Variants in SMOC2 observed in about 807,000 individuals in gnomAD.
The protein encoded by SMOC2 is SPARC-related modular calcium-binding protein 2.
Under a neutral mutation model 61.4 loss-of-function variants are expected in SMOC2, and 39 were observed. The observed-to-expected ratio is 0.64, with a 90% CI of 0.49 to 0.83. The LOEUF is 0.83. SMOC2 is among the 40% of genes least tolerant of loss of function. SMOC2 has a pLI of 0.00. For missense variants in SMOC2, 556 were observed against 592.9 expected (o/e 0.94, Z 0.65); for synonymous variants, 247 against 239.9 (o/e 1.03, Z -0.27).
At chr6:168,523,611 G>A (rs1783385446) in intron 2 of SMOC2, among the ~76,000 whole-genome samples, 2 of 151,418 alleles carry the variant, frequency 1.3e-5, no homozygotes, top group African/African-American at 4.9e-5. Flanking sequence ...ATGTTAGCCA[G>A]GATGGTCTTC....
At chr6:168,634,120 G>T (rs1234337702) in intron 9 of SMOC2, among the ~76,000 whole-genome samples, 2 of 152,170 alleles carry the variant, frequency 1.3e-5, no homozygotes, top group African/African-American at 4.8e-5. Context: ...TTTATAAATT[G>T]CCCAGTCTTG....
chr6:168,560,563 T>C (rs1427583587), intron 7 of SMOC2, among the ~76,000 whole-genome samples: 1 of 139,252 alleles, frequency 7.2e-6, no homozygotes, highest in Non-Finnish European at 1.6e-5. Flanking sequence ...GACACGAGGC[T>C]CTCACTGCAT....
At position 168,475,331 on chromosome 6, in the gene SMOC2, A is replaced by C. The variant is rs1782054222; in HGVS notation, c.84+33877A>C. 6.6e-6 allele frequency among the ~76,000 whole-genome samples: 1 copy of C among 152,132 alleles called. No homozygotes were observed. The highest frequency in any genetic ancestry group is 2.1e-4 in the South Asian group (1 of 4,826). On this transcript the variant is annotated intron_variant, in intron 1 of 12. Coordinates refer to ENST00000356284, the MANE Select transcript of SMOC2 (RefSeq NM_001166412.2). This position sits in a 1 kb window ranked among gnomAD's most constrained non-coding sequence, Gnocchi z 4.6. The stretch of plus-strand genomic sequence containing the variant: ...TCCTTCCTCTTCTCTGTGGACGTAG[A>C]TTAAATTCACTCTCATTTATTCCTG...
At chr6:168,507,439 C>A (rs1220248766) in intron 1 of SMOC2, among the ~76,000 whole-genome samples, 1 of 152,210 alleles carries the variant, frequency 6.6e-6, no homozygotes, top group East Asian at 1.9e-4. Context: ...CAGCTGTGTG[C>A]TGCGAGAACG....
chr6:168,450,696 G>A (rs889207521), intron 1 of SMOC2, among the ~76,000 whole-genome samples: 4 of 152,120 alleles, frequency 2.6e-5, no homozygotes. Flanking sequence ...TTCTCCACCG[G>A]GTTCTGTTTG....
intron 7 of SMOC2, among the ~76,000 whole-genome samples, chr6:168,586,056 TC>T (rs1299079237): frequency 2.0e-5 from 3 of 152,174 alleles, no homozygotes; most frequent in Non-Finnish European, 4.4e-5. Context: ...GCCCTAGAGA[TC>T]TTTGTCTAAC....
intron 9 of SMOC2, among the ~76,000 whole-genome samples, chr6:168,621,296 T>C (rs914770876): frequency 6.6e-6 from 1 of 152,242 alleles, no homozygotes; most frequent in Non-Finnish European, 1.5e-5. Flanking sequence ...TGTAATCAAC[T>C]TACTTGAAAT....
intron 2 of SMOC2, among the ~76,000 whole-genome samples, chr6:168,515,565 C>G (rs753935307): frequency 3.6e-5 from 1 of 27,646 alleles, no homozygotes; most frequent in Non-Finnish European, 9.9e-5. Context: ...GAAGCAGCCT[C>G]GCACCTGCAT....
At position 168,509,196 on chromosome 6, in the gene SMOC2, G is replaced by A. The variant is rs184542807; in HGVS notation, c.85-719G>A. On this transcript the variant is annotated intron_variant, in intron 1 of 12. Coordinates refer to ENST00000356284, the MANE Select transcript of SMOC2 (RefSeq NM_001166412.2). ...AGCTGTAAAAGAGCAGGAGGGAGAT[G>A]AAGGGCCTGGGGCCACCGTGGGAAC... 5.4e-3 allele frequency among the ~76,000 whole-genome samples: 815 copies of A among 152,320 alleles called. 3 individuals carry two copies. The highest frequency in any genetic ancestry group is 8.5e-3 in the Non-Finnish European group (575 of 68,032).
intron 9 of SMOC2, among the ~76,000 whole-genome samples, chr6:168,622,197 A>ACCT (rs1786265978): frequency 6.6e-6 from 1 of 151,560 alleles, no homozygotes; most frequent in African/African-American, 2.4e-5. Context: ...CGATCTCCTG[A>ACCT]CCTCCTGATC....
intron 8 of SMOC2, among the ~76,000 whole-genome samples, chr6:168,601,419 T>C (rs1268159524): frequency 6.6e-6 from 1 of 152,196 alleles, no homozygotes. Context: ...GCGGGGCTGA[T>C]ATGGGGGATT....
At position 168,527,203 on chromosome 6, in the gene SMOC2, T is replaced by C. The variant is rs562392903; in HGVS notation, c.364-425T>C. Reference sequence around the variant, plus strand: ...GCTGGAGCTGAAGGACAGGCTGTTCTGGCCCTGGTTGCAGGGGGAGCGGGC... The same window carrying C: ...GCTGGAGCTGAAGGACAGGCTGTTCCGGCCCTGGTTGCAGGGGGAGCGGGC... On this transcript the variant is annotated intron_variant, in intron 3 of 12. Transcript: ENST00000356284. 3.9e-5 allele frequency among the ~76,000 whole-genome samples: 6 copies of C among 152,254 alleles called. No homozygotes were observed. The East Asian group carries it at 1.2e-3, about 29-fold the overall frequency.
At chr6:168,474,332 T>C (rs1782031993) in intron 1 of SMOC2, among the ~76,000 whole-genome samples, 1 of 152,122 alleles carries the variant, frequency 6.6e-6, no homozygotes, top group South Asian at 2.1e-4. Context: ...TGGGGCTTCC[T>C]GGGGCACCTT....
At chr6:168,664,508 C>A (rs1049717999) in intron 12 of SMOC2, 7 of 394,460 alleles carry the variant, frequency 1.8e-5, no homozygotes, top group Middle Eastern at 3.6e-4. Flanking sequence ...GCCACCGTAC[C>A]CGGCTGAATT....
chr6:168,632,706 A>T (rs753397383), intron 9 of SMOC2, among the ~76,000 whole-genome samples: 1 of 152,216 alleles, frequency 6.6e-6, no homozygotes, highest in Non-Finnish European at 1.5e-5. Context: ...TGTTTGATAT[A>T]CAGATGGTTA....
rs28701837 is a variant in SMOC2 at position 168,653,735 on chromosome 6, T to C, written c.1285+507T>C. Among the ~76,000 whole-genome samples, 305 of 120,818 alleles carry C rather than the reference T, an allele frequency of 2.5e-3. 8 individuals are homozygous for C. The highest frequency in any genetic ancestry group is 1.0e-2 in the African/African-American group (284 of 28,410). The allele number at this position is 120,818 out of a possible 152,430, so 79.3% of individuals were successfully genotyped here. On this transcript the variant is annotated intron_variant, in intron 11 of 12. Coordinates refer to ENST00000356284, the MANE Select transcript of SMOC2 (RefSeq NM_001166412.2). ...AAATGTTAGGAACTCACCACCCCTGTACCTGAGCTCCAACCAAATGTTAGG... is the reference window on the plus strand; with the variant it reads ...AAATGTTAGGAACTCACCACCCCTGCACCTGAGCTCCAACCAAATGTTAGG...
intron 12 of SMOC2, among the ~76,000 whole-genome samples, 196 bp from the exon 13 acceptor site, chr6:168,666,225 A>G (rs992891281): frequency 2.0e-5 from 3 of 152,102 alleles, no homozygotes; most frequent in Admixed American, 1.3e-4. Flanking sequence ...TTTTTCTATC[A>G]TGTCAAGGAA....
chr6:168,516,740 G>A (rs1783144306), intron 2 of SMOC2, among the ~76,000 whole-genome samples: 1 of 152,146 alleles, frequency 6.6e-6, no homozygotes, highest in African/African-American at 2.4e-5. Context: ...AGATCATGAG[G>A]TCAGGAGACC....
rs1783955706 is a variant in SMOC2, at chr6:168,544,957, A to C, written c.511+1285A>C. On this transcript the variant is annotated intron_variant, in intron 5 of 12. Coordinates refer to ENST00000356284, the MANE Select transcript of SMOC2 (RefSeq NM_001166412.2). This position sits in a 1 kb window ranked among gnomAD's most constrained non-coding sequence, Gnocchi z 4.1. ...TGGAACAGAAGAAGCCTCACAGTCA[A>C]GGAAGATAGCTCATTTTCCAGCCGA... Among the ~76,000 whole-genome samples the C allele has an allele frequency of 6.6e-6, 1 of 152,158 alleles. No individual in the cohort carries two copies. The highest frequency in any genetic ancestry group is 1.5e-5 in the Non-Finnish European group (1 of 68,030).
Sources: gnomAD v4.1 joint callset for allele counts (sites outside exome capture counted in the v4.1 genomes callset) on GRCh38, gnomAD v4.1.1 for gene constraint, Gnocchi (gnomAD v3.1) non-coding constraint, MANE v1.5 for transcripts, NCBI Gene and HGNC (gene_info 2026-07-23, HGNC 2026-07-21) for gene names.